The following SLC22A8 variants were observed in gnomAD, a reference collection of about 807,000 sequenced individuals.
SLC22A8 encodes the protein organic anion transporter 3.
A neutral mutation model predicts 48.4 loss-of-function variants in SLC22A8; 40 were observed. The observed-to-expected ratio is 0.83, with a 90% confidence interval of 0.64 to 1.08. SLC22A8 has a LOEUF of 1.08. Ranked by LOEUF, SLC22A8 falls within the 50% of genes least tolerant of loss-of-function variation. The pLI, the probability that SLC22A8 is intolerant of heterozygous loss-of-function variation, is 0.00. For missense variants in SLC22A8, 606 were observed against 699.0 expected, an observed-to-expected ratio of 0.87 and a Z score of 1.50; for synonymous variants, 268 against 286.3, an observed-to-expected ratio of 0.94 and a Z score of 0.65.
intron 2 of SLC22A8, among the ~76,000 whole-genome samples, chr11:63,004,226 C>T (rs1040882159): frequency 4.6e-5 from 7 of 152,114 alleles, no homozygotes; most frequent in Non-Finnish European, 1.0e-4. Flanking sequence ...CTGGTTTCTA[C>T]CAGAAAATTG....
At chr11:63,015,424 C>G (rs1224603786) in intron 1 of SLC22A8, among the ~76,000 whole-genome samples, 1 of 152,190 alleles carries the variant, frequency 6.6e-6, no homozygotes, top group Non-Finnish European at 1.5e-5. Flanking sequence ...AGGGGCCCAG[C>G]CTTGGATGTT....
intron 2 of SLC22A8, among the ~76,000 whole-genome samples, chr11:63,010,447 A>G (rs1252459622): frequency 2.6e-5 from 4 of 152,202 alleles, no homozygotes. Context: ...ACTTCTAGGT[A>G]AGGTCCAGCT....
intron 2 of SLC22A8, among the ~76,000 whole-genome samples, chr11:63,001,503 G>A (rs943312073): frequency 1.3e-5 from 2 of 152,316 alleles, no homozygotes; most frequent in Middle Eastern, 6.8e-3. Flanking sequence ...GCGCACAATG[G>A]AACGTCCCTA....
rs1160474276 is a variant in SLC22A8, at chr11:62,999,080, C to G, written c.602G>C (p.Trp201Ser). ...TLSTVILNVE[W>S]VPTRMRAIMS... ...GATGGCCCGCATCCGGGTAGGCACC[C>G]ATTCCACATCTGTGGGAGGAGTCCA... is the stretch of plus-strand genomic sequence containing the variant. The change falls in exon 5 of 11, where the codon TGG becomes TCG. Residue 201 changes from tryptophan to serine, a missense_variant. Trp to Ser is a radical substitution (Grantham distance 177). Coordinates refer to ENST00000336232, the MANE Select transcript of SLC22A8 (RefSeq NM_004254.4). 1 of 1,612,386 alleles carries G rather than the reference C, an allele frequency of 6.2e-7. No homozygotes were observed. Among genetic ancestry groups the G allele is most frequent in the Admixed American group, 1.7e-5 (1 of 59,984 alleles).
rs2086360555 is a variant in SLC22A8, at chr11:62,992,950, C to A, written c.*287G>T. The A allele has an allele frequency of 6.4e-6, 3 of 470,122 alleles. No homozygotes were observed. The highest frequency in any genetic ancestry group is 7.5e-6 in the Non-Finnish European group (2 of 265,400). 29.1% of individuals were successfully genotyped at this position (470,122 alleles called of 1,614,324 possible). A position where few individuals can be genotyped will look rare whatever the true frequency, so the allele number is the denominator to read the frequency against. On this transcript the variant is annotated 3_prime_UTR_variant, in exon 11 of 11. Coordinates refer to ENST00000336232, the MANE Select transcript of SLC22A8 (RefSeq NM_004254.4). ...ACTGAGCCAGGGGATATCAGGGGAC[C>A]TCAGGGGAAGAGGACCGGGACAGTG... is the stretch of plus-strand genomic sequence containing the variant.
In SLC22A8 at chr11:62,993,001, C is replaced by A; in HGVS notation, c.*236G>T. 1.8e-6 allele frequency: 1 copy of A among 568,078 alleles called. No homozygotes were observed. The highest frequency in any genetic ancestry group is 3.1e-6 in the Non-Finnish European group (1 of 320,444). 35.2% of individuals were successfully genotyped at this position (568,078 alleles called of 1,614,324 possible). On this transcript the variant is annotated 3_prime_UTR_variant, in exon 11 of 11. Transcript: ENST00000336232. Reference sequence around the variant, plus strand: ...GGGGAAGGTGGCCAGTGGGGAAGGGCTAGACAGAAGAATGGCAGGGCCTGG... The same window carrying A: ...GGGGAAGGTGGCCAGTGGGGAAGGGATAGACAGAAGAATGGCAGGGCCTGG...
intron 2 of SLC22A8, among the ~76,000 whole-genome samples, chr11:63,002,924 C>T (rs1020844978): frequency 6.6e-6 from 1 of 152,046 alleles, no homozygotes; most frequent in Non-Finnish European, 1.5e-5. Flanking sequence ...AACCTGAGGC[C>T]CAGATGAGGC....
chr11:63,009,621 G>C (rs979001957), intron 2 of SLC22A8, among the ~76,000 whole-genome samples: 1 of 152,190 alleles, frequency 6.6e-6, no homozygotes, highest in Non-Finnish European at 1.5e-5. Flanking sequence ...TCCTCTTAAT[G>C]TCCTAGTAAA....
At chr11:62,994,821 AT>A in intron 7 of SLC22A8, 65 bp from the exon 8 acceptor site, 1 of 1,229,838 alleles carries the variant, frequency 8.1e-7, no homozygotes, top group South Asian at 1.2e-5. Flanking sequence ...CATGCTGGTC[AT>A]TGGGTCACCA....
intron 2 of SLC22A8, among the ~76,000 whole-genome samples, chr11:63,007,971 C>G (rs373076167): frequency 2.0e-5 from 3 of 152,310 alleles, no homozygotes; most frequent in South Asian, 4.2e-4. Flanking sequence ...ACCCTTGGCC[C>G]TGAGCACAGC....
At chr11:62,997,520 C>T (rs924933082) in intron 5 of SLC22A8, among the ~76,000 whole-genome samples, 1 of 152,172 alleles carries the variant, frequency 6.6e-6, no homozygotes, top group African/African-American at 2.4e-5. Flanking sequence ...CTGCACCCAG[C>T]CACCTAGAAA....
Position 62,993,640 on chromosome 11 carries a change from A to T in SLC22A8, c.1326-13T>A. The T allele has an allele frequency of 1.9e-6, 3 of 1,604,532 alleles. No homozygotes were observed. The highest frequency in any genetic ancestry group is 2.6e-6 in the Non-Finnish European group (3 of 1,173,292). On this transcript the variant is annotated splice_polypyrimidine_tract_variant and intron_variant, in intron 9 of 10. Transcript: ENST00000336232. ...CATACCTGTTTGCCTGCGAGGGTTC[A>T]GAGTAGGGATTGGTAGCCTGTGTGT... is the stretch of plus-strand genomic sequence containing the variant.
chr11:62,996,240 G>T, intron 5 of SLC22A8, 88 bp from the exon 6 acceptor site: 1 of 1,358,336 alleles, frequency 7.4e-7, no homozygotes, highest in South Asian at 1.4e-5. Context: ...CAGGGCCAAG[G>T]GGTAGGAGGA....
chr11:62,999,162 C>T (rs994438462), intron 4 of SLC22A8, 73 bp from the exon 5 acceptor site: 6 of 1,333,600 alleles, frequency 4.5e-6, no homozygotes, highest in Non-Finnish European at 6.4e-6. Flanking sequence ...GGGGCACCAG[C>T]TTCTGCATCC....
chr11:62,993,801 A>G lies in SLC22A8; in HGVS notation c.1294T>C (p.Tyr432His). ...ACTGTGGGGTATAATTCACTTGTGT[A>G]GAGGAAGAGGCAGCTGAAGGAGCTG... is the stretch of plus-strand genomic sequence containing the variant. The part of the protein sequence containing the change: ...LSSSFSCLFL[Y>H]TSELYPTVIR... Residue 432 changes from tyrosine (Y) to histidine (H), a missense_variant, in exon 9 of 11, where the codon TAC (tyrosine) becomes CAC (histidine). Coordinates refer to ENST00000336232, the MANE Select transcript of SLC22A8 (RefSeq NM_004254.4). 7 of 1,613,718 alleles carry G rather than the reference A, an allele frequency of 4.3e-6. No individual in the cohort carries two copies. The highest frequency in any genetic ancestry group is 5.9e-6 in the Non-Finnish European group (7 of 1,179,568).
At chr11:63,006,725 A>G (rs2086561077) in intron 2 of SLC22A8, among the ~76,000 whole-genome samples, 1 of 145,512 alleles carries the variant, frequency 6.9e-6, no homozygotes, top group Non-Finnish European at 1.5e-5. Flanking sequence ...CTCCTGCATC[A>G]GCCTCCTGAG....
At chr11:63,008,109 A>T (rs1026890910) in intron 2 of SLC22A8, among the ~76,000 whole-genome samples, 3 of 152,078 alleles carry the variant, frequency 2.0e-5, no homozygotes, top group African/African-American at 7.3e-5. Context: ...GATTGTGGTC[A>T]AGGAGGCAGT....
chr11:63,007,059 T>G (rs2086564758), intron 2 of SLC22A8, among the ~76,000 whole-genome samples: 3 of 152,214 alleles, frequency 2.0e-5, no homozygotes, highest in African/African-American at 4.8e-5. Flanking sequence ...AGAAAACCTA[T>G]AGCAGATGTC....
At chr11:62,997,877 G>C (rs2086441976) in intron 5 of SLC22A8, among the ~76,000 whole-genome samples, 1 of 152,188 alleles carries the variant, frequency 6.6e-6, no homozygotes, top group African/African-American at 2.4e-5. Context: ...GCACATAGCA[G>C]ATGCTCAATA....
Sources: allele counts gnomAD v4.1 joint callset (sites outside exome capture counted in the v4.1 genomes callset), GRCh38; gene constraint gnomAD v4.1.1; transcripts MANE v1.5; gene names NCBI Gene and HGNC (gene_info 2026-07-23, HGNC 2026-07-21).